TMEM131: variants seen among roughly 807,000 people sequenced by gnomAD.
The protein encoded by TMEM131 is 2610524E03Rik.
A neutral mutation model predicts 211.6 loss-of-function variants in TMEM131; 66 were observed. That is an observed-to-expected ratio of 0.31 (90% CI 0.26 to 0.38). The LOEUF (loss-of-function observed/expected upper bound fraction) is 0.38. Ranked by LOEUF, TMEM131 falls within the 10% of genes least tolerant of loss-of-function variation. The pLI is 1.00. For missense variants in TMEM131, 2,036 were observed against 2,299.3 expected, an observed-to-expected ratio of 0.89 and a Z score of 2.34; for synonymous variants, 844 against 841.3, an observed-to-expected ratio of 1.00 and a Z score of -0.06.
intron 4 of TMEM131, among the ~76,000 whole-genome samples, chr2:97,861,581 G>A (rs535779659): frequency 2.6e-5 from 4 of 151,950 alleles, no homozygotes; most frequent in South Asian, 2.1e-4. Flanking sequence ...GTAGCCTGGC[G>A]GTATTCTCCG....
At chr2:97,793,032 C>A in intron 30 of TMEM131, 48 bp from the exon 31 acceptor site, 1 of 1,337,378 alleles carries the variant, frequency 7.5e-7, no homozygotes. Context: ...CCTACAAAAT[C>A]TAATATTAAA....
intron 35 of TMEM131, chr2:97,763,419 T>G (rs1678971242): frequency 6.5e-6 from 1 of 152,732 alleles, no homozygotes; most frequent in Non-Finnish European, 1.5e-5. Context: ...CACGGTCCTG[T>G]CTCCCACCCG....
At chr2:97,967,718 C>T (rs920973122) in intron 1 of TMEM131, among the ~76,000 whole-genome samples, 5 of 152,150 alleles carry the variant, frequency 3.3e-5, no homozygotes, top group African/African-American at 1.2e-4. Flanking sequence ...CAACATTCCA[C>T]AGAATACTTT....
chr2:97,885,340 C>T (rs375696401), intron 4 of TMEM131, among the ~76,000 whole-genome samples: 2,949 of 149,014 alleles, frequency 0.02, 79 homozygotes, highest in African/African-American at 0.069. Context: ...TACAGGCGCC[C>T]GCCACCACGC....
rs746441843 is a variant in TMEM131, at chr2:97,811,202, A to G, written c.1894T>C (p.Phe632Leu). 1 of 1,613,736 alleles carries G rather than the reference A, an allele frequency of 6.2e-7. No homozygotes were observed. The highest frequency in any genetic ancestry group is 1.7e-5 in the Admixed American group (1 of 60,024). Residue 632 changes from phenylalanine to leucine, a missense_variant, in exon 18 of 41, where the codon TTC (phenylalanine) becomes CTC (leucine). By Grantham distance (22) the Phe-to-Leu change is conservative. This residue lies in a region of TMEM131 where 1,623 missense variants were observed against 1,805.9 expected (regional missense o/e 0.90). Transcript: ENST00000186436. ...TTTTTTGCAGTAAGTTTGACTCTGA[A>G]GACTGCAAAATAGCCTGAAGCTAAT... ...VTLASGYFAV[F>L]RVKLTAKKLE...
At chr2:97,890,527 T>C (rs1675335798) in intron 3 of TMEM131, among the ~76,000 whole-genome samples, 1 of 152,210 alleles carries the variant, frequency 6.6e-6, no homozygotes. Flanking sequence ...TTCAAGAGCA[T>C]TGTTTTAGAC....
chr2:97,795,550 T>G (rs1356889004), intron 28 of TMEM131, among the ~76,000 whole-genome samples: 1 of 152,226 alleles, frequency 6.6e-6, no homozygotes, highest in African/African-American at 2.4e-5. Context: ...TCTATTTTTA[T>G]TTTTTGCTAA....
At chr2:97,834,241 C>T (rs567195635) in intron 10 of TMEM131, among the ~76,000 whole-genome samples, 33 of 152,168 alleles carry the variant, frequency 2.2e-4, no homozygotes, top group Non-Finnish European at 4.1e-4. Flanking sequence ...AAACTTTCAA[C>T]ATTTTGTCAA....
chr2:97,964,075 T>C (rs1424298035), intron 1 of TMEM131, among the ~76,000 whole-genome samples: 3 of 152,202 alleles, frequency 2.0e-5, no homozygotes, highest in Non-Finnish European at 4.4e-5. Context: ...AAATCAAGCA[T>C]TCACATTCCT....
Position 97,838,009 on chromosome 2 carries a change from G to C in TMEM131, c.724-852C>G, listed in dbSNP as rs57804205. ...TATACTCTTGTGTCTGGCTTCTTTT[G>C]CTCAATGCAATTATTTTGAGGTCTA... On this transcript the variant is annotated intron_variant, in intron 7 of 40. Transcript: ENST00000186436. Among the ~76,000 whole-genome samples the C allele has an allele frequency of 1.6e-3, 247 of 151,792 alleles. 1 individual carries two copies. The highest frequency in any genetic ancestry group is 4.9e-3 in the African/African-American group (203 of 41,436).
intron 5 of TMEM131, among the ~76,000 whole-genome samples, chr2:97,854,233 A>T (rs1467698611): frequency 6.6e-6 from 1 of 152,208 alleles, no homozygotes; most frequent in African/African-American, 2.4e-5. Flanking sequence ...GGCTGACATG[A>T]TCATCAGCAG....
intron 11 of TMEM131, among the ~76,000 whole-genome samples, chr2:97,826,420 G>A (rs1410131606): frequency 6.6e-6 from 1 of 152,184 alleles, no homozygotes; most frequent in East Asian, 1.9e-4. Flanking sequence ...GGAAATTATG[G>A]AGTTATTGCA....
intron 22 of TMEM131, among the ~76,000 whole-genome samples, chr2:97,804,218 T>A (rs192727926): frequency 2.7e-4 from 41 of 152,302 alleles, no homozygotes; most frequent in Non-Finnish European, 5.0e-4. Flanking sequence ...AAAGATCAGA[T>A]TTCTATACTA....
intron 1 of TMEM131, among the ~76,000 whole-genome samples, chr2:97,952,157 CAAA>C (rs1321665891): frequency 9.5e-6 from 1 of 104,770 alleles, no homozygotes; most frequent in Non-Finnish European, 2.0e-5. Context: ...ACTCCATCTC[CAAA>C]AAAAAAAAAA....
intron 7 of TMEM131, among the ~76,000 whole-genome samples, chr2:97,840,370 T>G (rs1219635474): frequency 1.3e-5 from 2 of 152,186 alleles, no homozygotes; most frequent in African/African-American, 2.4e-5. Context: ...GGCAGCACCC[T>G]TGGGGCACCC....
In TMEM131 at chr2:97,768,405, T is replaced by C. The variant is rs2104788775; in HGVS notation, c.4449-1803A>G. On this transcript the variant is annotated intron_variant, in intron 33 of 40. Coordinates refer to ENST00000186436, the MANE Select transcript of TMEM131 (RefSeq NM_015348.2). ...GGTGTGATCTATTTTTAAGTGTGCG[T>C]GGGTAGCTATTTATACAAAACTAAA... 2.0e-5 allele frequency among the ~76,000 whole-genome samples: 3 copies of C among 152,306 alleles called. No homozygotes were observed. The Middle Eastern group carries it at 0.01, about 518-fold the overall frequency.
At position 97,808,642 on chromosome 2, in the gene TMEM131, T is replaced by C. The variant is rs539355779; in HGVS notation, c.2055+1046A>G. On this transcript the variant is annotated intron_variant, in intron 19 of 40. Transcript: ENST00000186436. ...CATTTGTTCCTTCATCCATACATTATGTACTAAGTGCCTGCTATTGGGAAG... is the reference window on the plus strand; with the variant it reads ...CATTTGTTCCTTCATCCATACATTACGTACTAAGTGCCTGCTATTGGGAAG... Among the ~76,000 whole-genome samples, 94 of 152,324 alleles carry C rather than the reference T, an allele frequency of 6.2e-4. 1 individual carries two copies. The highest frequency in any genetic ancestry group is 2.2e-3 in the African/African-American group (91 of 41,574).
Position 97,911,733 on chromosome 2 carries a change from A to G in TMEM131, c.250-3035T>C, listed in dbSNP as rs1559442499. On this transcript the variant is annotated intron_variant, in intron 2 of 40. Transcript: ENST00000186436. ...TTGTTTTTGAAGTATATGCCACAAAACAGAAAAATAATCATTTAACTGTAA... is the reference window on the plus strand; with the variant it reads ...TTGTTTTTGAAGTATATGCCACAAAGCAGAAAAATAATCATTTAACTGTAA... 8 of 794,192 alleles carry G rather than the reference A, an allele frequency of 1.0e-5. No individual in the cohort carries two copies. The South Asian group carries it at 4.6e-4, about 46-fold the overall frequency. The allele number at this position is 794,192 out of a possible 1,614,324, so 49.2% of individuals were successfully genotyped here. A position where few individuals can be genotyped will look rare whatever the true frequency, so the allele number is the denominator to read the frequency against.
intron 3 of TMEM131, among the ~76,000 whole-genome samples, chr2:97,900,176 T>C (rs942446102): frequency 3.3e-4 from 50 of 152,118 alleles, no homozygotes; most frequent in African/African-American, 9.2e-4. Context: ...GCAAGAGTAT[T>C]GTACAGCTAG....
Sources: allele counts gnomAD v4.1 joint callset (sites outside exome capture counted in the v4.1 genomes callset), GRCh38; gene constraint gnomAD v4.1.1; regional missense constraint gnomAD v4.1.1; transcripts MANE v1.5; gene names NCBI Gene and HGNC (gene_info 2026-07-23, HGNC 2026-07-21).